PARD3: variants seen among roughly 807,000 people sequenced by gnomAD.
PARD3 encodes the protein partitioning defective 3 homolog.
Under a neutral mutation model 155.4 loss-of-function variants are expected in PARD3, and 75 were observed. That is an observed-to-expected ratio of 0.48 (90% CI 0.40 to 0.58). PARD3 has a LOEUF of 0.58. Among genes scored for constraint, PARD3 ranks in the 20% least tolerant of loss-of-function variants. The pLI is 0.00. For synonymous variants in PARD3, 576 were observed against 610.5 expected, an observed-to-expected ratio of 0.94 and a Z score of 0.83; for missense variants, 1,642 against 1,721.7, an observed-to-expected ratio of 0.95 and a Z score of 0.82.
At chr10:34,441,300 T>C (rs577371540) in intron 5 of PARD3, among the ~76,000 whole-genome samples, 1 of 152,316 alleles carries the variant, frequency 6.6e-6, no homozygotes, top group African/African-American at 2.4e-5. Context: ...GTGTCTTTAA[T>C]ATACAAGAAA....
At chr10:34,126,301 A>G (rs1947287481) in intron 23 of PARD3, among the ~76,000 whole-genome samples, 1 of 152,244 alleles carries the variant, frequency 6.6e-6, no homozygotes, top group African/African-American at 2.4e-5. Context: ...GCTAGAGCTT[A>G]TAGAGAACAT....
chr10:34,362,575 C>A (rs549359936), intron 12 of PARD3, among the ~76,000 whole-genome samples: 13 of 152,168 alleles, frequency 8.5e-5, no homozygotes, highest in Non-Finnish European at 1.5e-4. Context: ...ACTCACTACA[C>A]CTTTGACCTC....
chr10:34,718,856 G>C (rs186618881), intron 1 of PARD3, among the ~76,000 whole-genome samples: 168 of 152,264 alleles, frequency 1.1e-3, no homozygotes, highest in African/African-American at 3.7e-3. Context: ...CCAGCTACTT[G>C]GGAGGCAGAG....
At chr10:34,137,799 C>A (rs540694826) in intron 22 of PARD3, among the ~76,000 whole-genome samples, 1 of 152,310 alleles carries the variant, frequency 6.6e-6, no homozygotes, top group African/African-American at 2.4e-5. Context: ...CTAGATCAGC[C>A]AACCCCTAGC....
chr10:34,480,222 A>G (rs1298761178), intron 3 of PARD3, among the ~76,000 whole-genome samples: 1 of 152,172 alleles, frequency 6.6e-6, no homozygotes, highest in Non-Finnish European at 1.5e-5. Flanking sequence ...TCTTTCTCCT[A>G]CTGCACCTTG....
intron 1 of PARD3, among the ~76,000 whole-genome samples, chr10:34,706,392 T>C (rs2094362269): frequency 6.6e-6 from 1 of 152,204 alleles, no homozygotes; most frequent in Non-Finnish European, 1.5e-5. Flanking sequence ...GCTTGTCTTC[T>C]TTCCACAGCC....
chr10:34,309,547 C>CAAAAAAAAAAAAAAAAAAAAAAAAAA (rs1323865538), intron 20 of PARD3, among the ~76,000 whole-genome samples: 1 of 46,628 alleles, frequency 2.1e-5, no homozygotes, highest in Admixed American at 3.0e-4. Context: ...GACCCTGTCT[C>CAAAAAAAAAAAAAAAAAAAAAAAAAA]CAAAAAAAAA....
At chr10:34,202,866 T>A (rs1336573244) in intron 22 of PARD3, among the ~76,000 whole-genome samples, 1 of 152,096 alleles carries the variant, frequency 6.6e-6, no homozygotes, top group Non-Finnish European at 1.5e-5. Context: ...CACAAATGGC[T>A]CAGATTCAGA....
At chr10:34,440,071 A>C (rs2076387201) in intron 5 of PARD3, among the ~76,000 whole-genome samples, 1 of 152,216 alleles carries the variant, frequency 6.6e-6, no homozygotes, top group South Asian at 2.1e-4. Flanking sequence ...GGAATTTTTT[A>C]GGGCCATTTC....
chr10:34,605,185 T>A (rs1008968254), intron 2 of PARD3, among the ~76,000 whole-genome samples: 3 of 110,770 alleles, frequency 2.7e-5, no homozygotes, highest in African/African-American at 1.1e-4. Context: ...ATGAAATTTT[T>A]TTTTTTTTTT....
At chr10:34,658,420 C>T (rs1046353943) in intron 2 of PARD3, among the ~76,000 whole-genome samples, 3 of 152,060 alleles carry the variant, frequency 2.0e-5, no homozygotes, top group Non-Finnish European at 1.5e-5. Flanking sequence ...AACTGCAGCA[C>T]ACCTACCACC....
At chr10:34,341,336 G>A (rs1338769832) in intron 16 of PARD3, among the ~76,000 whole-genome samples, 4 of 152,110 alleles carry the variant, frequency 2.6e-5, no homozygotes, top group African/African-American at 7.2e-5. Flanking sequence ...AATTAACACA[G>A]ATGTGAAATA....
chr10:34,708,440 C>G (rs927346488), intron 1 of PARD3, among the ~76,000 whole-genome samples: 3 of 152,244 alleles, frequency 2.0e-5, no homozygotes, highest in East Asian at 1.9e-4. Flanking sequence ...TGAATGTGAT[C>G]ATTGTACTAG....
At chr10:34,305,544 G>T (rs1186225457) in intron 20 of PARD3, among the ~76,000 whole-genome samples, 1 of 152,202 alleles carries the variant, frequency 6.6e-6, no homozygotes, top group Admixed American at 6.5e-5. Flanking sequence ...GACATGAAAG[G>T]GCAATTTTAA....
chr10:34,694,760 A>G (rs1438898966), intron 2 of PARD3, among the ~76,000 whole-genome samples: 1 of 152,196 alleles, frequency 6.6e-6, no homozygotes, highest in African/African-American at 2.4e-5. Context: ...CAGGTGCAAC[A>G]GTGAATCTAA....
At chr10:34,118,519 A>AT (rs1946806614) in intron 24 of PARD3, among the ~76,000 whole-genome samples, 1 of 151,834 alleles carries the variant, frequency 6.6e-6, no homozygotes, top group South Asian at 2.1e-4. Flanking sequence ...TAATTTTTGT[A>AT]TTTTTTTATG....
chr10:34,315,938 C>T (rs1464896148), intron 20 of PARD3, among the ~76,000 whole-genome samples: 1 of 152,156 alleles, frequency 6.6e-6, no homozygotes, highest in Non-Finnish European at 1.5e-5. Flanking sequence ...TTCTTCTATG[C>T]ACTTAATCAG....
intron 22 of PARD3, among the ~76,000 whole-genome samples, chr10:34,239,495 A>C (rs945991100): frequency 1.3e-5 from 2 of 152,082 alleles, no homozygotes; most frequent in Admixed American, 6.6e-5. Context: ...GCTAAAACCA[A>C]AGTTTTTAAA....
At chr10:34,386,835 A>T (rs1334706498) in intron 7 of PARD3, among the ~76,000 whole-genome samples, 2 of 151,444 alleles carry the variant, frequency 1.3e-5, no homozygotes, top group Non-Finnish European at 2.9e-5. Context: ...AAAAAAAAAG[A>T]ATTATTAAGA....
Sources: gnomAD v4.1 joint callset for allele counts (sites outside exome capture counted in the v4.1 genomes callset) on GRCh38, gnomAD v4.1.1 for gene constraint, MANE v1.5 for transcripts, NCBI Gene and HGNC (gene_info 2026-07-23, HGNC 2026-07-21) for gene names.